Variants in SYT16 observed in about 807,000 individuals in gnomAD.
SYT16 encodes the protein synaptotagmin-16.
SYT16 carries 42 observed loss-of-function variants against 61.4 expected under a neutral mutation model. That is an observed-to-expected ratio of 0.68 (90% CI 0.53 to 0.89). The LOEUF is 0.89. Ranked by LOEUF, SYT16 falls within the 40% of genes least tolerant of loss-of-function variation. The pLI, the probability that SYT16 is intolerant of heterozygous loss-of-function variation, is 0.00. For synonymous variants in SYT16, 314 were observed against 302.3 expected (o/e 1.04, Z -0.40); for missense variants, 804 against 807.3 (o/e 1.00, Z 0.05).
At chr14:62,060,877 A>C (rs1005545385) in intron 3 of SYT16, among the ~76,000 whole-genome samples, 1 of 152,028 alleles carries the variant, frequency 6.6e-6, no homozygotes, top group African/African-American at 2.4e-5. Context: ...TCTTCTTTCT[A>C]TAAGAGTTGT....
chr14:61,922,659 C>CA lies in SYT16; in HGVS notation c.-324-47470dup, dbSNP rs527681368. On this transcript the variant is annotated intron_variant, in intron 1 of 7. Transcript: ENST00000683842. ...CTTGCATTTACTTACCTTGAATTTACAAACTTGTACATGTGCCCCTGAACC... is the reference window on the plus strand; with the variant it reads ...CTTGCATTTACTTACCTTGAATTTACAAAACTTGTACATGTGCCCCTGAACC... Among the ~76,000 whole-genome samples the CA allele has an allele frequency of 7.2e-3, 1,092 of 152,246 alleles. 8 individuals are homozygous for CA. The highest frequency in any genetic ancestry group is 0.011 in the Non-Finnish European group (721 of 68,008).
At position 61,894,586 on chromosome 14, in the gene SYT16, A is replaced by T. The variant is rs193273198; in HGVS notation, c.-324-75546A>T. Among the ~76,000 whole-genome samples the T allele has an allele frequency of 5.3e-5, 8 of 152,316 alleles. No individual in the cohort carries two copies. The East Asian group carries it at 1.4e-3, about 26-fold the overall frequency. ...TTTATTGAAATTCATAGGCTGTGAG[A>T]TGGAATAATTTAACTGATGGCTGGG... On this transcript the variant is annotated intron_variant, in intron 1 of 7. Coordinates refer to ENST00000683842, the MANE Select transcript of SYT16 (RefSeq NM_001367656.1).
At chr14:61,994,005 G>A (rs2052664404) in intron 2 of SYT16, among the ~76,000 whole-genome samples, 3 of 152,096 alleles carry the variant, frequency 2.0e-5, no homozygotes, top group Non-Finnish European at 4.4e-5. Flanking sequence ...ATCAGGTTAT[G>A]GTGAGCAAAC....
At chr14:62,009,108 C>T (rs1254248953) in intron 3 of SYT16, among the ~76,000 whole-genome samples, 4 of 152,124 alleles carry the variant, frequency 2.6e-5, no homozygotes, top group East Asian at 1.9e-4. Flanking sequence ...TCTCTGTCAC[C>T]AAAAGAGTCA....
In SYT16 at chr14:61,824,509, C is replaced by T. The variant is rs527276056; in HGVS notation, c.-325+11699C>T. 1.1e-4 allele frequency among the ~76,000 whole-genome samples: 17 copies of T among 152,202 alleles called. No individual in the cohort carries two copies. In the East Asian group the frequency reaches 2.3e-3, roughly 21 times the overall value. ...CTGGGACTACAGGCACCTGCCACCA[C>T]GCCTGGCTAATTTTTTGTATTTTTA... On this transcript the variant is annotated intron_variant, in intron 1 of 7. Transcript: ENST00000683842.
rs1247160563 is a variant in SYT16, at chr14:62,109,101, AT to A, written c.*8395del. ...TTGTGTATTTTATGGGTTTTGACCA[AT>A]GCACAATGACGTGTGTCCACTATTG... On this transcript the variant is annotated 3_prime_UTR_variant, in exon 8 of 8. Coordinates refer to ENST00000683842, the MANE Select transcript of SYT16 (RefSeq NM_001367656.1). 3 of 152,180 alleles carry A rather than the reference AT, an allele frequency of 2.0e-5. No individual in the cohort carries two copies. The highest frequency in any genetic ancestry group is 4.4e-5 in the Non-Finnish European group (3 of 68,030). The allele number at this position is 152,180 out of a possible 1,614,324, so 9.4% of individuals were successfully genotyped here.
At chr14:61,942,779 C>A (rs1217263865) in intron 1 of SYT16, among the ~76,000 whole-genome samples, 1 of 152,000 alleles carries the variant, frequency 6.6e-6, no homozygotes, top group Non-Finnish European at 1.5e-5. Context: ...GGTATTCTGG[C>A]CCTAAATTTT....
chr14:61,857,917 A>G (rs988932014), intron 1 of SYT16, among the ~76,000 whole-genome samples: 1 of 152,066 alleles, frequency 6.6e-6, no homozygotes, highest in South Asian at 2.1e-4. Context: ...ACAGGGGGAA[A>G]AAACATTCAA....
At chr14:62,090,463 G>A (rs1273267987) in intron 7 of SYT16, among the ~76,000 whole-genome samples, 4 of 152,118 alleles carry the variant, frequency 2.6e-5, no homozygotes, top group African/African-American at 9.7e-5. Context: ...GCTCTACAGA[G>A]TGCAGGGAAA....
At chr14:62,010,544 A>G (rs1476305206) in intron 3 of SYT16, among the ~76,000 whole-genome samples, 6 of 152,182 alleles carry the variant, frequency 3.9e-5, no homozygotes, top group African/African-American at 1.4e-4. Context: ...CGTGCTTATT[A>G]GCATCTGGTC....
intron 1 of SYT16, among the ~76,000 whole-genome samples, chr14:61,917,265 A>G (rs1334078637): frequency 1.3e-5 from 2 of 152,056 alleles, no homozygotes; most frequent in South Asian, 2.1e-4. Flanking sequence ...CACAGCATCT[A>G]TTTTCCTCCT....
intron 1 of SYT16, among the ~76,000 whole-genome samples, chr14:61,958,703 A>G (rs1234785307): frequency 1.3e-5 from 2 of 151,994 alleles, no homozygotes; most frequent in African/African-American, 4.8e-5. Context: ...TTCTGTGTGT[A>G]ATTGAGAAGA....
At chr14:61,954,210 T>C (rs560022448) in intron 1 of SYT16, among the ~76,000 whole-genome samples, 1 of 152,332 alleles carries the variant, frequency 6.6e-6, no homozygotes, top group Non-Finnish European at 1.5e-5. Flanking sequence ...TGCTCAGTTA[T>C]CTGGTTCCCT....
chr14:61,844,817 T>G (rs1392984485), intron 1 of SYT16, among the ~76,000 whole-genome samples: 1 of 152,180 alleles, frequency 6.6e-6, no homozygotes, highest in Non-Finnish European at 1.5e-5. Context: ...GCATCAATAT[T>G]CATCAGAGAT....
chr14:61,988,381 C>T (rs1335962303), intron 2 of SYT16, among the ~76,000 whole-genome samples: 1 of 152,162 alleles, frequency 6.6e-6, no homozygotes, highest in Non-Finnish European at 1.5e-5. Context: ...CCTGGAGATG[C>T]TGAAGACCTT....
intron 1 of SYT16, among the ~76,000 whole-genome samples, chr14:61,836,905 A>T (rs1023936094): frequency 2.6e-5 from 4 of 152,142 alleles, no homozygotes; most frequent in Admixed American, 1.3e-4. Context: ...TCATGATTTC[A>T]TGCAAATTTT....
intron 2 of SYT16, among the ~76,000 whole-genome samples, chr14:61,980,822 G>C (rs891415108): frequency 6.6e-6 from 1 of 152,168 alleles, no homozygotes. Context: ...ATGACAGGGA[G>C]ATGTACTTTA....
intron 3 of SYT16, among the ~76,000 whole-genome samples, chr14:62,018,403 G>A (rs1366328493): frequency 7.0e-6 from 1 of 143,258 alleles, no homozygotes; most frequent in Middle Eastern, 4.4e-3. Flanking sequence ...CGCCTCCCAG[G>A]ATCAAGCGAT....
chr14:61,929,028 G>T (rs1376858576), intron 1 of SYT16, among the ~76,000 whole-genome samples: 2 of 152,194 alleles, frequency 1.3e-5, no homozygotes, highest in African/African-American at 4.8e-5. Flanking sequence ...AAATCCTCAT[G>T]CTAAACACAT....
Sources: gnomAD v4.1 joint callset for allele counts (sites outside exome capture counted in the v4.1 genomes callset) on GRCh38, gnomAD v4.1.1 for gene constraint, MANE v1.5 for transcripts, NCBI Gene and HGNC (gene_info 2026-07-23, HGNC 2026-07-21) for gene names.